Variants in GBE1 observed in about 807,000 individuals in gnomAD.
GBE1 encodes the protein 1,4-alpha-glucan-branching enzyme.
GBE1 carries 70 observed loss-of-function variants against 88.8 expected under a neutral mutation model. That is an observed-to-expected ratio of 0.79 (90% CI 0.65 to 0.96). The LOEUF is 0.96. GBE1 is among the 40% of genes least tolerant of loss of function. The probability of loss-of-function intolerance (pLI) is 0.00; values close to 1 mark genes in which losing one functional copy is unlikely to be tolerated. For synonymous variants in GBE1, 284 were observed against 300.1 expected (o/e 0.95, Z 0.56); for missense variants, 872 against 871.0 (o/e 1.00, Z -0.01).
chr3:81,726,585 C>CTTT (rs34642597), intron 1 of GBE1, among the ~76,000 whole-genome samples: 2 of 138,638 alleles, frequency 1.4e-5, no homozygotes, highest in African/African-American at 5.3e-5. Flanking sequence ...ATATTGCAGA[C>CTTT]TTTTTTTTTT....
At chr3:81,691,712 G>A (rs1209662256) in intron 2 of GBE1, among the ~76,000 whole-genome samples, 1 of 152,142 alleles carries the variant, frequency 6.6e-6, no homozygotes. Flanking sequence ...CCAGGAGTTG[G>A]AGGCCGCATT....
chr3:81,522,746 A>T (rs1342280225), intron 14 of GBE1, among the ~76,000 whole-genome samples: 2 of 151,584 alleles, frequency 1.3e-5, no homozygotes, highest in Non-Finnish European at 1.5e-5. Flanking sequence ...GAATAATTAA[A>T]GTCCAAGTGG....
chr3:81,624,761 A>G (rs1261345137), intron 7 of GBE1, among the ~76,000 whole-genome samples: 1 of 152,144 alleles, frequency 6.6e-6, no homozygotes, highest in Admixed American at 6.5e-5. Context: ...CACACACAAT[A>G]CAAGAAGCAT....
At chr3:81,749,017 A>AG (rs1706458435) in intron 1 of GBE1, among the ~76,000 whole-genome samples, 1 of 151,460 alleles carries the variant, frequency 6.6e-6, no homozygotes, top group Admixed American at 6.6e-5. Flanking sequence ...AAAAAAAAAA[A>AG]AAAAGAAAAA....
Position 81,676,134 on chromosome 3 carries a change from T to C in GBE1, c.314-5181A>G, listed in dbSNP as rs151293258. ...AAAATAAATGCTAATCAACTGTATG[T>C]TATTGGTAAGGCTTCTTGTCAACAG... On this transcript the variant is annotated intron_variant, in intron 2 of 15. Transcript: ENST00000429644. 2.4e-3 allele frequency among the ~76,000 whole-genome samples: 364 copies of C among 152,216 alleles called. 5 individuals carry two copies. The highest frequency in any genetic ancestry group is 8.4e-3 in the African/African-American group (349 of 41,544).
intron 1 of GBE1, among the ~76,000 whole-genome samples, chr3:81,706,925 A>C (rs376834477): frequency 1.6e-4 from 24 of 152,180 alleles, no homozygotes; most frequent in South Asian, 4.1e-4. Context: ...TAAATAATTG[A>C]GAATTGAAAT....
intron 2 of GBE1, among the ~76,000 whole-genome samples, chr3:81,691,718 G>C (rs762036014): frequency 2.0e-4 from 31 of 152,082 alleles, no homozygotes; most frequent in African/African-American, 7.2e-4. Context: ...GTTGGAGGCC[G>C]CATTAAGCCA....
intron 14 of GBE1, among the ~76,000 whole-genome samples, chr3:81,521,032 G>C (rs1702867006): frequency 6.6e-6 from 1 of 151,430 alleles, no homozygotes; most frequent in African/African-American, 2.4e-5. Flanking sequence ...CATCCTTAGT[G>C]TTTCTTCTAC....
intron 7 of GBE1, among the ~76,000 whole-genome samples, chr3:81,614,265 G>C (rs1238318209): frequency 6.6e-6 from 1 of 152,090 alleles, no homozygotes; most frequent in Non-Finnish European, 1.5e-5. Context: ...TTTGGTGTGT[G>C]TCCCCTATAT....
At chr3:81,580,684 C>T (rs148003977) in intron 11 of GBE1, among the ~76,000 whole-genome samples, 1 of 151,870 alleles carries the variant, frequency 6.6e-6, no homozygotes, top group South Asian at 2.1e-4. Flanking sequence ...AGGCTGTATT[C>T]GAGAAGACAG....
intron 14 of GBE1, among the ~76,000 whole-genome samples, chr3:81,530,390 A>G (rs1015628676): frequency 4.0e-5 from 6 of 150,816 alleles, no homozygotes; most frequent in Admixed American, 1.3e-4. Context: ...ATGTTTGTGG[A>G]TGTTTGCCAG....
chr3:81,689,112 T>C (rs1705482681), intron 2 of GBE1, among the ~76,000 whole-genome samples: 1 of 152,198 alleles, frequency 6.6e-6, no homozygotes, highest in Non-Finnish European at 1.5e-5. Flanking sequence ...TTCTGAAATC[T>C]AAAATCCAAG....
At chr3:81,708,068 C>T in intron 1 of GBE1, among the ~76,000 whole-genome samples, 1 of 152,010 alleles carries the variant, frequency 6.6e-6, no homozygotes, top group Non-Finnish European at 1.5e-5. Context: ...ATTATTAAAA[C>T]AGTAACATAA....
rs770244970 is a variant in GBE1 at position 81,536,999 on chromosome 3, T to C, written c.1715A>G (p.Asp572Gly). The change falls in exon 13 of 16, where the codon GAC (aspartate) becomes GGC (glycine). Residue 572 changes from aspartate to glycine, a missense_variant. Physicochemically the swap from Asp to Gly is moderately conservative, Grantham distance 94. Transcript: ENST00000429644. ...TAGGAACTTGTAGCGAAGAAGGTCGTCGTCAGTTAAATGAAACTGCCGCCT... is the reference window on the plus strand; with the variant it reads ...TAGGAACTTGTAGCGAAGAAGGTCGCCGTCAGTTAAATGAAACTGCCGCCT... The part of the protein sequence containing the change: ...YARRQFHLTD[D>G]DLLRYKFLNN... 1 of 1,593,056 alleles carries C rather than the reference T, an allele frequency of 6.3e-7. No individual in the cohort carries two copies. The highest frequency in any genetic ancestry group is 8.5e-7 in the Non-Finnish European group (1 of 1,170,832).
In GBE1 at chr3:81,607,020, T is replaced by C. The variant is rs1704112168; in HGVS notation, c.993-12997A>G. Reference sequence around the variant, plus strand: ...GGTAAATATTTGTAAACTGAAGAAATGAATGACACATATTGTTCTGCAGGC... The same window carrying C: ...GGTAAATATTTGTAAACTGAAGAAACGAATGACACATATTGTTCTGCAGGC... On this transcript the variant is annotated intron_variant, in intron 7 of 15. Transcript: ENST00000429644. Among the ~76,000 whole-genome samples, 3 of 152,158 alleles carry C rather than the reference T, an allele frequency of 2.0e-5. No homozygotes were observed. In the South Asian group the frequency reaches 6.2e-4, roughly 31 times the overall value.
chr3:81,612,122 A>C (rs1175196178), intron 7 of GBE1: 1 of 288,416 alleles, frequency 3.5e-6, no homozygotes, highest in African/African-American at 2.3e-5. Context: ...GAATATTAGA[A>C]CTTTTTAGGC....
intron 14 of GBE1, among the ~76,000 whole-genome samples, chr3:81,526,035 G>T (rs1702940097): frequency 1.3e-5 from 2 of 151,974 alleles, no homozygotes; most frequent in African/African-American, 4.8e-5. Context: ...AATTCCTTCA[G>T]TTCAGCTCTG....
At chr3:81,611,467 A>G (rs1704181671) in intron 7 of GBE1, among the ~76,000 whole-genome samples, 1 of 152,232 alleles carries the variant, frequency 6.6e-6, no homozygotes, top group Non-Finnish European at 1.5e-5. Flanking sequence ...ATTCAAAGGC[A>G]CACGATGTAG....
intron 12 of GBE1, among the ~76,000 whole-genome samples, chr3:81,554,182 T>TG (rs967880227): frequency 1.3e-5 from 2 of 151,502 alleles, no homozygotes; most frequent in African/African-American, 4.9e-5. Context: ...AAGGAAATGG[T>TG]GGGGGGAAAA....
Sources: allele counts gnomAD v4.1 joint callset (sites outside exome capture counted in the v4.1 genomes callset), GRCh38; gene constraint gnomAD v4.1.1; transcripts MANE v1.5; gene names NCBI Gene and HGNC (gene_info 2026-07-23, HGNC 2026-07-21).